The following RBL1 variants were observed in gnomAD, a reference collection of about 807,000 sequenced individuals.
RBL1 encodes the protein RB transcriptional corepressor like 1.
RBL1 carries 82 observed loss-of-function variants against 123.0 expected under a neutral mutation model. That is an observed-to-expected ratio of 0.67 (90% CI 0.56 to 0.80). The LOEUF is 0.80. RBL1 is among the 30% of genes least tolerant of loss of function. RBL1 has a pLI of 0.00. For synonymous variants in RBL1, 405 were observed against 441.3 expected (o/e 0.92, Z 1.03); for missense variants, 1,171 against 1,299.6 (o/e 0.90, Z 1.52).
chr20:37,008,577 TATCA>T (rs1293917931), intron 19 of RBL1, among the ~76,000 whole-genome samples: 1 of 152,232 alleles, frequency 6.6e-6, no homozygotes, highest in Non-Finnish European at 1.5e-5. Flanking sequence ...TATTACAAAC[TATCA>T]TTTACTTGTA....
rs2063989688 is a variant in RBL1 at position 37,001,933 on chromosome 20, A to AAAAC, written c.3036+1768_3036+1769insGTTT. ...TGCAGAACAATAAAAAAAAAAAAAA[A>AAAAC]AAAAAAAAACAAACCAAACCAATCC... On this transcript the variant is annotated intron_variant, in intron 21 of 21. Transcript: ENST00000373664. Among the ~76,000 whole-genome samples the AAAAC allele has an allele frequency of 2.6e-5, 4 of 151,108 alleles. No individual in the cohort carries two copies. The South Asian group carries it at 8.3e-4, about 31-fold the overall frequency.
intron 2 of RBL1, among the ~76,000 whole-genome samples, chr20:37,087,333 CAA>C (rs79340550): frequency 3.0e-5 from 4 of 135,140 alleles, no homozygotes; most frequent in African/African-American, 5.4e-5. Flanking sequence ...GACTCTGTCC[CAA>C]AAAAAAAAAA....
chr20:37,092,743 C>T (rs1419384075), intron 1 of RBL1, among the ~76,000 whole-genome samples: 1 of 152,168 alleles, frequency 6.6e-6, no homozygotes, highest in Non-Finnish European at 1.5e-5. Flanking sequence ...CCTCCTGCCT[C>T]AGCCTCCCAA....
intron 1 of RBL1, among the ~76,000 whole-genome samples, chr20:37,091,703 A>T (rs1467783193): frequency 6.6e-6 from 1 of 151,770 alleles, no homozygotes; most frequent in African/African-American, 2.4e-5. Flanking sequence ...TGTAAATCTG[A>T]TAGCACAACA....
intron 14 of RBL1, among the ~76,000 whole-genome samples, chr20:37,036,297 A>T (rs1228213175): frequency 6.6e-6 from 1 of 152,186 alleles, no homozygotes; most frequent in African/African-American, 2.4e-5. Flanking sequence ...TTTATTTATG[A>T]GATGGAGTCT....
chr20:37,030,514 G>GT (rs1330025489), intron 16 of RBL1, among the ~76,000 whole-genome samples: 1 of 152,004 alleles, frequency 6.6e-6, no homozygotes, highest in Non-Finnish European at 1.5e-5. Context: ...AAGCTCACGA[G>GT]TTGAGACCAG....
chr20:37,089,754 T>C (rs138907418), intron 1 of RBL1, among the ~76,000 whole-genome samples: 43 of 152,104 alleles, frequency 2.8e-4, no homozygotes, highest in African/African-American at 1.0e-3. Flanking sequence ...GGACCACATA[T>C]ACAATGGTGG....
At chr20:37,009,858 A>T (rs1314208597) in intron 19 of RBL1, among the ~76,000 whole-genome samples, 1 of 152,030 alleles carries the variant, frequency 6.6e-6, no homozygotes, top group African/African-American at 2.4e-5. Flanking sequence ...AAATTTTTTT[A>T]AAAATTAAAG....
At chr20:37,076,923 T>C (rs971743419) in intron 2 of RBL1, among the ~76,000 whole-genome samples, 4 of 150,878 alleles carry the variant, frequency 2.7e-5, no homozygotes, top group African/African-American at 9.8e-5. Flanking sequence ...ACATTTTGCA[T>C]ATTTGCTTTA....
chr20:37,089,659 TAA>T (rs542194813), intron 1 of RBL1, among the ~76,000 whole-genome samples: 23 of 135,394 alleles, frequency 1.7e-4, no homozygotes, highest in Middle Eastern at 3.7e-3. Context: ...TCCTGTCTCT[TAA>T]AAAAAAAAAA....
Position 37,044,127 on chromosome 20 carries a change from C to T in RBL1, c.1729G>A (p.Ala577Thr), listed in dbSNP as rs1404249209. Reference protein sequence around the residue: ...AWSHDSALWEALQVSANKVPT... With the variant: ...AWSHDSALWETLQVSANKVPT... ...ACTTTGTTTGCAGAAACCTGGAGAGCCTCCCACAGTGCAGAATCGTGACTC... is the reference window on the plus strand; with the variant it reads ...ACTTTGTTTGCAGAAACCTGGAGAGTCTCCCACAGTGCAGAATCGTGACTC... Residue 577 changes from alanine to threonine, a missense_variant, in exon 13 of 22, where the codon GCT (alanine) becomes ACT (threonine). Physicochemically the swap from Ala to Thr is moderately conservative, Grantham distance 58. Coordinates refer to ENST00000373664, the MANE Select transcript of RBL1 (RefSeq NM_002895.5). 3.7e-6 allele frequency: 6 copies of T among 1,611,978 alleles called. No homozygotes were observed. In the African/African-American group the frequency reaches 8.1e-5, roughly 22 times the overall value.
Position 37,032,896 on chromosome 20 carries a change from T to A in RBL1, c.2171-20A>T. 6.2e-7 allele frequency: 1 copy of A among 1,612,996 alleles called. No homozygotes were observed. Among genetic ancestry groups the A allele is most frequent in the South Asian group, 1.1e-5 (1 of 90,788 alleles). On this transcript the variant is annotated intron_variant, in intron 15 of 21. Coordinates refer to ENST00000373664, the MANE Select transcript of RBL1 (RefSeq NM_002895.5). ...CGACACCTGAATGTATAAGCATTATTAGAAATAATCTGCATATGTTCTAGG... is the reference window on the plus strand; with the variant it reads ...CGACACCTGAATGTATAAGCATTATAAGAAATAATCTGCATATGTTCTAGG...
chr20:37,000,776 G>A (rs1181385994), intron 21 of RBL1, among the ~76,000 whole-genome samples: 6 of 136,340 alleles, frequency 4.4e-5, no homozygotes, highest in East Asian at 2.4e-4. Flanking sequence ...AGGCGGGGGG[G>A]TCAGCCCCCC....
chr20:37,040,996 G>A (rs1321499913), intron 13 of RBL1, among the ~76,000 whole-genome samples: 2 of 152,104 alleles, frequency 1.3e-5, no homozygotes, highest in African/African-American at 4.8e-5. Context: ...GTTCTTCAAT[G>A]GAAATAAACT....
At chr20:37,082,582 GA>G in intron 2 of RBL1, among the ~76,000 whole-genome samples, 1 of 151,828 alleles carries the variant, frequency 6.6e-6, no homozygotes, top group African/African-American at 2.4e-5. Context: ...AAAATAATTG[GA>G]AAAAAAGGAT....
At chr20:37,063,817 CT>C (rs1358422193) in intron 7 of RBL1, among the ~76,000 whole-genome samples, 3 of 146,020 alleles carry the variant, frequency 2.1e-5, no homozygotes, top group East Asian at 2.2e-4. Context: ...CGGCCTCTTT[CT>C]TTTTTTCTTG....
At chr20:37,042,257 G>A (rs1407446881) in intron 13 of RBL1, among the ~76,000 whole-genome samples, 1 of 151,924 alleles carries the variant, frequency 6.6e-6, no homozygotes, top group African/African-American at 2.4e-5. Flanking sequence ...CTCCAAAGAA[G>A]ATATGCAAAC....
intron 12 of RBL1, among the ~76,000 whole-genome samples, chr20:37,045,881 A>G (rs2064811097): frequency 1.3e-5 from 2 of 152,216 alleles, no homozygotes; most frequent in South Asian, 4.1e-4. Flanking sequence ...CAATTTTTCT[A>G]TCACCAGTAG....
chr20:37,033,670 G>C (rs1460274368), intron 15 of RBL1, among the ~76,000 whole-genome samples: 1 of 149,082 alleles, frequency 6.7e-6, no homozygotes, highest in Non-Finnish European at 1.5e-5. Context: ...GGAGTGCAGT[G>C]GCCTCATCTT....
Sources: allele counts gnomAD v4.1 joint callset (sites outside exome capture counted in the v4.1 genomes callset), GRCh38; gene constraint gnomAD v4.1.1; transcripts MANE v1.5; gene names NCBI Gene and HGNC (gene_info 2026-07-23, HGNC 2026-07-21).